The following MYH7B variants were observed in gnomAD, a reference collection of about 807,000 sequenced individuals.
The protein encoded by MYH7B is myosin heavy chain 7B.
MYH7B carries 205 observed loss-of-function variants against 234.5 expected under a neutral mutation model. The ratio of observed to expected loss-of-function variants is 0.87; its 90% CI spans 0.78 to 0.98. The LOEUF is 0.98. MYH7B is among the 50% of genes least tolerant of loss of function. The pLI is 0.00. For synonymous variants in MYH7B, 1,193 were observed against 1,105.0 expected, an observed-to-expected ratio of 1.08 and a Z score of -1.58; for missense variants, 2,652 against 2,633.4, an observed-to-expected ratio of 1.01 and a Z score of -0.15.
At chr20:34,991,179 G>C in intron 24 of MYH7B, 58 bp downstream of exon 24, 1 of 1,258,330 alleles carries the variant, frequency 7.9e-7, no homozygotes, top group Non-Finnish European at 1.1e-6. Flanking sequence ...GGGCTGGGCA[G>C]GACACACATA....
chr20:34,990,956 C>T, intron 23 of MYH7B, 48 bp from the exon 24 acceptor site: 1 of 1,574,926 alleles, frequency 6.3e-7, no homozygotes, highest in Non-Finnish European at 8.7e-7. Flanking sequence ...TCTCTGGGGC[C>T]TGCGGGTGTG....
chr20:34,990,538 C>T lies in MYH7B; in HGVS notation c.1978-200C>T, dbSNP rs145559916. The T allele has an allele frequency of 1.3e-3, 1,098 of 815,944 alleles. 12 individuals are homozygous for T. In the African/African-American group the frequency reaches 0.016, roughly 12 times the overall value. 50.5% of individuals were successfully genotyped at this position (815,944 alleles called of 1,614,324 possible). A position where few individuals can be genotyped will look rare whatever the true frequency, so the allele number is the denominator to read the frequency against. On this transcript the variant is annotated intron_variant, in intron 22 of 44. Coordinates refer to ENST00000262873, the Ensembl canonical transcript of MYH7B. Reference sequence around the variant, plus strand: ...GGGAGCCCTGGGGCTCTGGGAGGGACGGGGATTTGGCAGGGAAGTGAAGAC... The same window carrying T: ...GGGAGCCCTGGGGCTCTGGGAGGGATGGGGATTTGGCAGGGAAGTGAAGAC...
chr20:34,999,750 T>TGGGGCCCC, intron 37 of MYH7B, 41 bp from the exon 38 acceptor site: 1 of 1,320,534 alleles, frequency 7.6e-7, no homozygotes. Context: ...CCACTGGCCA[T>TGGGGCCCC]CCCCCCCCCC....
chr20:34,993,531 A>G (rs2082197176), intron 26 of MYH7B, 61 bp downstream of exon 26: 13 of 1,466,702 alleles, frequency 8.9e-6, no homozygotes, highest in Non-Finnish European at 1.2e-5. Context: ...TCCCAGACCC[A>G]CTGGCTCTCC....
At chr20:34,957,102 C>T (rs1177490253) in intron 1 of MYH7B, among the ~76,000 whole-genome samples, 1 of 152,124 alleles carries the variant, frequency 6.6e-6, no homozygotes, top group African/African-American at 2.4e-5. Context: ...GAGGGTTGCT[C>T]GGCTTGTTTT....
At position 34,998,618 on chromosome 20, in the gene MYH7B, G is replaced by A; in HGVS notation, c.3982G>A (p.Glu1328Lys). The A allele has an allele frequency of 3.7e-6, 6 of 1,613,228 alleles. No homozygotes were observed. The highest frequency in any genetic ancestry group is 5.1e-6 in the Non-Finnish European group (6 of 1,179,908). ...GGAAGAGTTGCGGCGCCAGCTAGAG[G>A]AGGAAAGCAAGGTGGGCTGGCACCG... is the stretch of plus-strand genomic sequence containing the variant. The change falls in exon 34 of 45, where the codon GAG becomes AAG. Residue 1328 changes from glutamate (E) to lysine (K), a missense_variant. Glu to Lys is a moderately conservative substitution (Grantham distance 56). Coordinates refer to ENST00000262873, the Ensembl canonical transcript of MYH7B.
chr20:35,002,061 G>A, exon 44 of MYH7B: 1 of 1,613,998 alleles, frequency 6.2e-7, no homozygotes. Flanking sequence ...TGCGGGCACG[G>A]ACCCGGGACG....
intron 9 of MYH7B, chr20:34,982,087 G>C (rs6120782): frequency 1.0e-5 from 2 of 190,660 alleles, no homozygotes; most frequent in Non-Finnish European, 1.1e-5. Context: ...TTATGAGTCA[G>C]TGAGTTGATA....
At chr20:34,979,900 G>C in intron 7 of MYH7B, 96 bp downstream of exon 7, 1 of 1,400,296 alleles carries the variant, frequency 7.1e-7, no homozygotes, top group Non-Finnish European at 9.7e-7. Context: ...CGGTGGGGCG[G>C]GGCTGTGAGC....
At chr20:34,976,696 T>A (rs2081857865) in intron 3 of MYH7B, among the ~76,000 whole-genome samples, 1 of 152,202 alleles carries the variant, frequency 6.6e-6, no homozygotes, top group African/African-American at 2.4e-5. Context: ...ATTCTATAAG[T>A]TCCAGGGCTG....
intron 7 of MYH7B, 156 bp downstream of exon 7, chr20:34,979,960 C>A: frequency 1.5e-6 from 1 of 677,580 alleles, no homozygotes; most frequent in Non-Finnish European, 2.2e-6. Context: ...GGGGGTGGGG[C>A]TGTGAGCGAT....
At chr20:34,963,824 T>C (rs974731072) in intron 2 of MYH7B, among the ~76,000 whole-genome samples, 2 of 152,208 alleles carry the variant, frequency 1.3e-5, no homozygotes, top group Non-Finnish European at 2.9e-5. Context: ...ATATGACACT[T>C]TTTCATGGTA....
In MYH7B at chr20:35,002,009, C is replaced by T. The variant is rs202151604; in HGVS notation, c.5738C>T (p.Ala1913Val). The change falls in exon 44 of 45, where the codon GCG becomes GTG. Residue 1913 changes from alanine (A) to valine (V), a missense_variant. Around this residue, in one of 3 missense-constraint regions of MYH7B, gnomAD observed 2,279 missense variants for 2,211.4 expected, o/e 1.03. Coordinates refer to ENST00000262873, the Ensembl canonical transcript of MYH7B. ...AAGGCCCAGCACGAGCTGGATGATG[C>T]GGAGGAGCGGGCAGACATGGCGGAA... is the stretch of plus-strand genomic sequence containing the variant. 48 of 1,614,010 alleles carry T rather than the reference C, an allele frequency of 3.0e-5. No individual in the cohort carries two copies. The highest frequency in any genetic ancestry group is 3.6e-5 in the Non-Finnish European group (43 of 1,179,966).
exon 34 of MYH7B, chr20:34,998,568 G>T: frequency 1.2e-6 from 2 of 1,613,690 alleles, no homozygotes; most frequent in Non-Finnish European, 8.5e-7. Flanking sequence ...CTGAGCCGTG[G>T]AAAGGCCCTG....
At chr20:34,971,499 C>T (rs1179223530) in intron 2 of MYH7B, among the ~76,000 whole-genome samples, 3 of 151,328 alleles carry the variant, frequency 2.0e-5, no homozygotes, top group Non-Finnish European at 4.4e-5. Flanking sequence ...TTTTTTGCTT[C>T]AAGCCTCAGA....
intron 27 of MYH7B, 141 bp downstream of exon 27, chr20:34,994,542 G>C (rs1347998340): frequency 1.8e-6 from 2 of 1,086,808 alleles, no homozygotes; most frequent in African/African-American, 1.6e-5. Flanking sequence ...AGGCCTCCAT[G>C]TCCCAGCCTC....
chr20:34,963,415 C>G (rs6088665), intron 2 of MYH7B, among the ~76,000 whole-genome samples: 51,978 of 152,024 alleles, frequency 0.34, 9,822 homozygotes, highest in African/African-American at 0.5. Flanking sequence ...TAAATGTTTT[C>G]CTTATTTGTA....
rs189825601 is a variant in MYH7B, at chr20:34,998,257, C to T, written c.3748-38C>T. ...CTGATGCACAAACTTGTTCTGACAT[C>T]TAACTCCTGACCCCTGACTCCCAAC... On this transcript the variant is annotated intron_variant, in intron 32 of 44. Transcript: ENST00000262873. 105 of 1,609,554 alleles carry T rather than the reference C, an allele frequency of 6.5e-5. No homozygotes were observed. In the African/African-American group the frequency reaches 1.1e-3, roughly 17 times the overall value.
At chr20:34,977,738 G>GCCCCCC in intron 4 of MYH7B, 58 bp downstream of exon 4, 6 of 317,108 alleles carry the variant, frequency 1.9e-5, no homozygotes, top group Non-Finnish European at 3.5e-5. Flanking sequence ...GGGCGGGTGG[G>GCCCCCC]TGAGGGTGCC....
Sources: allele counts gnomAD v4.1 joint callset (sites outside exome capture counted in the v4.1 genomes callset), GRCh38; gene constraint gnomAD v4.1.1; regional missense constraint gnomAD v4.1.1; transcripts MANE v1.5; gene names NCBI Gene and HGNC (gene_info 2026-07-23, HGNC 2026-07-21).